The following RANBP2 variants were observed in gnomAD, a reference collection of about 807,000 sequenced individuals.
RANBP2 encodes RAN binding protein 2.
In RANBP2, 57 loss-of-function variants were observed where a neutral mutation model predicts 303.6. The observed-to-expected ratio is 0.19, with a 90% CI of 0.15 to 0.23. The LOEUF (loss-of-function observed/expected upper bound fraction) is 0.23, where lower values mean the gene tolerates loss of function less well. RANBP2 is among the 10% of genes least tolerant of loss of function. The pLI is 1.00. For missense variants in RANBP2, 3,138 were observed against 3,780.8 expected (o/e 0.83, Z 4.46); for synonymous variants, 1,167 against 1,301.5 (o/e 0.90, Z 2.23).
At chr2:109,492,185 C>A in the RANBP2 span, among the ~76,000 whole-genome samples, 150 of 152,160 alleles carry the variant, frequency 9.9e-4, no homozygotes, top group Non-Finnish European at 1.7e-3. Flanking sequence ...ATTTAAATTT[C>A]GTACAATTTT....
intron 6 of RANBP2, among the ~76,000 whole-genome samples, chr2:108,739,541 T>C (rs1328401602): frequency 6.6e-6 from 1 of 152,212 alleles, no homozygotes; most frequent in Admixed American, 6.5e-5. Flanking sequence ...CCCTCAGAGA[T>C]CTTTAGACCT....
chr2:108,959,713 C>T, the RANBP2 span, among the ~76,000 whole-genome samples: 1 of 152,000 alleles, frequency 6.6e-6, no homozygotes, highest in Non-Finnish European at 1.5e-5. Context: ...GGAGATTTCG[C>T]CTTTCCCCAG....
chr2:109,102,898 C>T, the RANBP2 span, among the ~76,000 whole-genome samples: 3 of 152,114 alleles, frequency 2.0e-5, no homozygotes, highest in Non-Finnish European at 2.9e-5. Flanking sequence ...TTCTAAGAAA[C>T]GGCTTTGGGA....
the RANBP2 span, among the ~76,000 whole-genome samples, chr2:109,444,473 G>C: frequency 6.6e-6 from 1 of 152,170 alleles, no homozygotes; most frequent in Non-Finnish European, 1.5e-5. Context: ...TGAGAATCAG[G>C]GGACCAGAGC....
the RANBP2 span, among the ~76,000 whole-genome samples, chr2:109,202,948 A>G: frequency 2.6e-5 from 4 of 152,200 alleles, no homozygotes; most frequent in East Asian, 1.9e-4. Context: ...TGCAAACACA[A>G]TGGGAGCTGG....
the RANBP2 span, among the ~76,000 whole-genome samples, chr2:109,312,868 A>AT: frequency 6.6e-6 from 1 of 152,074 alleles, no homozygotes; most frequent in Non-Finnish European, 1.5e-5. Context: ...CCTGTCTTAG[A>AT]TTTTGGGTGT....
chr2:109,209,298 A>G, the RANBP2 span, among the ~76,000 whole-genome samples: 1 of 152,210 alleles, frequency 6.6e-6, no homozygotes, highest in South Asian at 2.1e-4. Context: ...TGCGCGGGTG[A>G]TTTTGGTGAC....
chr2:109,208,016 G>T, the RANBP2 span, among the ~76,000 whole-genome samples: 1 of 152,310 alleles, frequency 6.6e-6, no homozygotes, highest in Admixed American at 6.5e-5. Context: ...TTTAAAAGAA[G>T]AAGAAACTTT....
chr2:109,715,259 G>A, the RANBP2 span, among the ~76,000 whole-genome samples: 3 of 152,054 alleles, frequency 2.0e-5, no homozygotes, highest in Non-Finnish European at 4.4e-5. Flanking sequence ...GAGCCACAAT[G>A]CCCAGCCTAT....
the RANBP2 span, among the ~76,000 whole-genome samples, chr2:108,796,807 A>T: frequency 6.6e-6 from 1 of 152,156 alleles, no homozygotes; most frequent in African/African-American, 2.4e-5. Flanking sequence ...AATGGTGGTT[A>T]CCAGAGGCTG....
the RANBP2 span, among the ~76,000 whole-genome samples, chr2:109,599,552 T>A: frequency 0.28 from 42,714 of 151,874 alleles, 6,310 homozygotes; most frequent in Admixed American, 0.4. Flanking sequence ...ATGGCCTGTT[T>A]GCATATCCTC....
chr2:108,762,803 AT>A (rs1308191707), intron 19 of RANBP2, among the ~76,000 whole-genome samples: 1 of 147,910 alleles, frequency 6.8e-6, no homozygotes, highest in African/African-American at 2.4e-5. Context: ...TGTTACCATC[AT>A]CATCATCATC....
At chr2:109,655,324 T>C in the RANBP2 span, among the ~76,000 whole-genome samples, 2 of 152,234 alleles carry the variant, frequency 1.3e-5, no homozygotes, top group Non-Finnish European at 2.9e-5. Flanking sequence ...ACACAGTCGA[T>C]AGGTGACTGG....
chr2:109,760,523 C>T, the RANBP2 span, among the ~76,000 whole-genome samples: 2 of 139,726 alleles, frequency 1.4e-5, no homozygotes, highest in African/African-American at 5.1e-5. Context: ...GGTGAGTGCG[C>T]CGGCCGCTGC....
the RANBP2 span, among the ~76,000 whole-genome samples, chr2:109,335,707 C>T: frequency 6.6e-6 from 1 of 152,172 alleles, no homozygotes; most frequent in African/African-American, 2.4e-5. Flanking sequence ...GTGTTTTGTT[C>T]ACTCCCAAAC....
chr2:108,873,546 C>G, the RANBP2 span: 1 of 1,611,224 alleles, frequency 6.2e-7, no homozygotes, highest in Non-Finnish European at 8.5e-7. Context: ...TCTTCAAATA[C>G]TAGAAAAACT....
At position 108,768,268 on chromosome 2, in the gene RANBP2, T is replaced by C; in HGVS notation, c.7729T>C (p.Cys2577Arg). The change falls in exon 20 of 29, where the codon TGT (cysteine) becomes CGT (arginine). Residue 2577 changes from cysteine (C) to arginine (R), a missense_variant. This residue lies in a region of RANBP2 where 497 missense variants were observed against 465.8 expected (regional missense o/e 1.07). Coordinates refer to ENST00000283195, the MANE Select transcript of RANBP2 (RefSeq NM_006267.5). ...GSESKVEPKK[C>R]ELSKNSDIEQ... The stretch of plus-strand genomic sequence containing the variant: ...TGAAAGCAAAGTGGAACCTAAAAAA[T>C]GTGAACTGTCAAAGAACTCTGATAT... The C allele has an allele frequency of 3.1e-6, 5 of 1,611,986 alleles. No homozygotes were observed. The highest frequency in any genetic ancestry group is 4.2e-6 in the Non-Finnish European group (5 of 1,179,842).
At chr2:109,441,398 G>A in the RANBP2 span, among the ~76,000 whole-genome samples, 1 of 152,130 alleles carries the variant, frequency 6.6e-6, no homozygotes, top group African/African-American at 2.4e-5. Context: ...TACAGTGTGT[G>A]AGATCAAGAA....
At chr2:108,877,813 G>T in the RANBP2 span, among the ~76,000 whole-genome samples, 1 of 152,294 alleles carries the variant, frequency 6.6e-6, no homozygotes, top group East Asian at 1.9e-4. Flanking sequence ...TATGAGAAAA[G>T]GGTTCTATAA....
Sources: allele counts gnomAD v4.1 joint callset (sites outside exome capture counted in the v4.1 genomes callset), GRCh38; gene constraint gnomAD v4.1.1; regional missense constraint gnomAD v4.1.1; transcripts MANE v1.5; gene names NCBI Gene and HGNC (gene_info 2026-07-23, HGNC 2026-07-21).